Variants in DDX39A observed in about 807,000 individuals in gnomAD.
The protein encoded by DDX39A is ATP-dependent RNA helicase DDX39A.
In DDX39A, 13 loss-of-function variants were observed where a neutral mutation model predicts 46.3. That is an observed-to-expected ratio of 0.28 (90% CI 0.18 to 0.45). The LOEUF (loss-of-function observed/expected upper bound fraction) is 0.45. DDX39A is among the 20% of genes least tolerant of loss of function. The pLI, the probability that DDX39A is intolerant of heterozygous loss-of-function variation, is 1.00. For missense variants in DDX39A, 352 were observed against 581.8 expected (o/e 0.61, Z 4.06); for synonymous variants, 234 against 224.6 (o/e 1.04, Z -0.38).
At position 14,410,966 on chromosome 19, in the gene DDX39A, GGCT is replaced by G. The variant is rs895424251; in HGVS notation, c.613+20_613+22del. 6 of 1,526,392 alleles carry G rather than the reference GGCT, an allele frequency of 3.9e-6. No individual in the cohort carries two copies. In the Admixed American group the frequency reaches 8.1e-5, roughly 21 times the overall value. 94.6% of individuals were successfully genotyped at this position (1,526,392 alleles called of 1,614,324 possible). ...CGCCTAGTCACTGACTCTCAGCTGG[GGCT>G]GCAAGGGCAGAGGACTCACCCAGCT... On this transcript the variant is annotated intron_variant, in intron 5 of 10. Coordinates refer to ENST00000242776, the MANE Select transcript of DDX39A (RefSeq NM_005804.4). The surrounding 1 kb of genome is among the most constrained non-coding windows in gnomAD (Gnocchi z 4.3).
chr19:14,418,077 T>C (rs2146396601), intron 1 of DDX39A, among the ~76,000 whole-genome samples: 1 of 130,670 alleles, frequency 7.7e-6, no homozygotes. Context: ...GCCGAGATAG[T>C]GTCACTGCAC....
chr19:14,412,621 T>G lies in DDX39A; in HGVS notation c.266A>C (p.Lys89Thr). The G allele has an allele frequency of 6.2e-7, 1 of 1,610,880 alleles. No individual in the cohort carries two copies. The highest frequency in any genetic ancestry group is 8.5e-7 in the Non-Finnish European group (1 of 1,180,004). Residue 89 changes from lysine (K) to threonine (T), a missense_variant, in exon 3 of 11, where the codon AAG (lysine) becomes ACG (threonine). Lys to Thr is a moderately conservative substitution (Grantham distance 78). Coordinates refer to ENST00000242776, the MANE Select transcript of DDX39A (RefSeq NM_005804.4). The surrounding 1 kb of genome is among the most constrained non-coding windows in gnomAD (Gnocchi z 4.4). ...GACCGCTGTCTTGCCCATCCCGGAC[T>G]TGGCCTGGCACAGGACGTCCATGCC... ...ILGMDVLCQA[K>T]SGMGKTAVFV... is the part of the protein sequence containing the mutation.
At chr19:14,416,596 G>A (rs1450909457) in intron 1 of DDX39A, among the ~76,000 whole-genome samples, 1 of 152,204 alleles carries the variant, frequency 6.6e-6, no homozygotes, top group Non-Finnish European at 1.5e-5. Context: ...AGAGCCTTTT[G>A]GGGTATGCAG....
intron 1 of DDX39A, among the ~76,000 whole-genome samples, chr19:14,415,455 C>T (rs1007814777): frequency 6.6e-6 from 1 of 152,036 alleles, no homozygotes; most frequent in Non-Finnish European, 1.5e-5. Flanking sequence ...ATGCGCCCGC[C>T]ACCACTAATT....
At chr19:14,416,765 G>A (rs1421640114) in intron 1 of DDX39A, among the ~76,000 whole-genome samples, 3 of 152,108 alleles carry the variant, frequency 2.0e-5, no homozygotes, top group Non-Finnish European at 4.4e-5. Context: ...TAGCTCACTG[G>A]AGCCTCGACC....
At position 14,410,523 on chromosome 19, in the gene DDX39A, G is replaced by A. The variant is rs1599643235; in HGVS notation, c.614-189C>T. 24 of 606,798 alleles carry A rather than the reference G, an allele frequency of 4.0e-5. No homozygotes were observed. In the East Asian group the frequency reaches 6.5e-4, roughly 16 times the overall value. The allele number at this position is 606,798 out of a possible 1,614,324, so 37.6% of individuals were successfully genotyped here. A position where few individuals can be genotyped will look rare whatever the true frequency, so the allele number is the denominator to read the frequency against. ...TGGGGGGTGGCCAGCGAGCGCAGGC[G>A]CGGGAGGAGCTGCAATCCACTTACA... On this transcript the variant is annotated intron_variant, in intron 5 of 10. Coordinates refer to ENST00000242776, the MANE Select transcript of DDX39A (RefSeq NM_005804.4). The surrounding 1 kb of genome is among the most constrained non-coding windows in gnomAD (Gnocchi z 4.3).
In DDX39A at chr19:14,411,689, C is replaced by G; in HGVS notation, c.337-91G>C. ...TCCACCCAACCCAGTCCCCCTGACA[C>G]TGCACCCAACATCACAGGCCATTTG... On this transcript the variant is annotated intron_variant, in intron 3 of 10. Coordinates refer to ENST00000242776, the MANE Select transcript of DDX39A (RefSeq NM_005804.4). The surrounding 1 kb of genome is among the most constrained non-coding windows in gnomAD (Gnocchi z 4.1). 1 of 1,147,012 alleles carries G rather than the reference C, an allele frequency of 8.7e-7. No individual in the cohort carries two copies. Among genetic ancestry groups the G allele is most frequent in the Non-Finnish European group, 1.3e-6 (1 of 777,998 alleles). The allele number at this position is 1,147,012 out of a possible 1,614,324, so 71.1% of individuals were successfully genotyped here. A position where few individuals can be genotyped will look rare whatever the true frequency, so the allele number is the denominator to read the frequency against.
intron 1 of DDX39A, among the ~76,000 whole-genome samples, chr19:14,415,149 G>A (rs557655769): frequency 4.0e-5 from 6 of 151,894 alleles, no homozygotes; most frequent in African/African-American, 9.7e-5. Flanking sequence ...CCCCAGCCCC[G>A]GGCAACCACT....
Position 14,409,149 on chromosome 19 carries a change from T to C in DDX39A, c.1155A>G (p.Leu385=). 1 of 1,614,212 alleles carries C rather than the reference T, an allele frequency of 6.2e-7. No individual in the cohort carries two copies. The highest frequency in any genetic ancestry group is 8.5e-7 in the Non-Finnish European group (1 of 1,180,034). Residue 385 remains leucine (L), a synonymous_variant, in exon 10 of 11, where the codon CTA becomes CTG. Coordinates refer to ENST00000242776, the MANE Select transcript of DDX39A (RefSeq NM_005804.4). The surrounding 1 kb of genome is among the most constrained non-coding windows in gnomAD (Gnocchi z 8.3). ...ARAGRFGTKG[L]AITFVSDEND... is the part of the protein sequence containing the mutation. Reference sequence around the variant, plus strand: ...TCTCGTCAGACACAAAAGTGATGGCTAGGCCTTTGGTGCCAAAGCGACCCG... The same window carrying C: ...TCTCGTCAGACACAAAAGTGATGGCCAGGCCTTTGGTGCCAAAGCGACCCG...
chr19:14,414,168 T>G (rs11882705), intron 1 of DDX39A, among the ~76,000 whole-genome samples: 6,564 of 151,944 alleles, frequency 0.043, 485 homozygotes, highest in African/African-American at 0.15. Context: ...TTGGCCTCGC[T>G]GTCACTCATT....
chr19:14,412,946 T>C lies in DDX39A; in HGVS notation c.208+67A>G. 1 of 1,542,340 alleles carries C rather than the reference T, an allele frequency of 6.5e-7. No individual in the cohort carries two copies. The highest frequency in any genetic ancestry group is 8.8e-7 in the Non-Finnish European group (1 of 1,134,592). On this transcript the variant is annotated intron_variant, in intron 2 of 10. Coordinates refer to ENST00000242776, the MANE Select transcript of DDX39A (RefSeq NM_005804.4). The surrounding 1 kb of genome is among the most constrained non-coding windows in gnomAD (Gnocchi z 4.4). ...CGGCAAACTGGAGGCGGCACCGCTC[T>C]GGGCGGGCAGGGCTGGTCTTGTCTT...
Position 14,409,036 on chromosome 19 carries a change from C to G in DDX39A, c.1267+1G>C, listed in dbSNP as rs112255397. Reference sequence around the variant, plus strand: ...CCCCTGGCCCTGCCCAAGGCACTTACTGTATGTGGAGATGTCGATTTCCTC... The same window carrying G: ...CCCCTGGCCCTGCCCAAGGCACTTAGTGTATGTGGAGATGTCGATTTCCTC... On this transcript the variant is annotated splice_donor_variant, in intron 10 of 10. Transcript: ENST00000242776. LOFTEE classifies it high-confidence loss of function. The surrounding 1 kb of genome is among the most constrained non-coding windows in gnomAD (Gnocchi z 8.3). 1 of 1,614,212 alleles carries G rather than the reference C, an allele frequency of 6.2e-7. No homozygotes were observed.
Position 14,411,721 on chromosome 19 carries a change from C to T in DDX39A, c.337-123G>A, listed in dbSNP as rs981849543. 2.2e-5 allele frequency: 18 copies of T among 804,564 alleles called. No homozygotes were observed. The highest frequency in any genetic ancestry group is 2.2e-4 in the Admixed American group (10 of 46,448). The allele number at this position is 804,564 out of a possible 1,614,324, so 49.8% of individuals were successfully genotyped here. ...CAACATCACAGGCCATTTGAAGGCC[C>T]GGTCCAAATGCCTCCCACTTCTCAC... On this transcript the variant is annotated intron_variant, in intron 3 of 10. Coordinates refer to ENST00000242776, the MANE Select transcript of DDX39A (RefSeq NM_005804.4). This position sits in a 1 kb window ranked among gnomAD's most constrained non-coding sequence, Gnocchi z 4.1.
Position 14,412,532 on chromosome 19 carries a change from A to C in DDX39A, c.336+19T>G. On this transcript the variant is annotated intron_variant, in intron 3 of 10. Coordinates refer to ENST00000242776, the MANE Select transcript of DDX39A (RefSeq NM_005804.4). The surrounding 1 kb of genome is among the most constrained non-coding windows in gnomAD (Gnocchi z 4.4). ...CCGCCACAGGCAGGGTGGGGCCAGG[A>C]AGGGAGGAGCCCACCCACCTGTCCG... The C allele has an allele frequency of 6.2e-7, 1 of 1,601,724 alleles. No homozygotes were observed. The highest frequency in any genetic ancestry group is 1.1e-5 in the South Asian group (1 of 90,844).
chr19:14,415,334 C>G (rs1337224516), intron 1 of DDX39A, among the ~76,000 whole-genome samples: 1 of 151,996 alleles, frequency 6.6e-6, no homozygotes, highest in Non-Finnish European at 1.5e-5. Context: ...AGGTCTTGCT[C>G]TGTTGCCCAG....
chr19:14,414,684 T>C (rs1599648478), intron 1 of DDX39A, among the ~76,000 whole-genome samples: 3 of 142,578 alleles, frequency 2.1e-5, no homozygotes, highest in African/African-American at 7.5e-5. Flanking sequence ...CTTTACAGGC[T>C]GCGCGCGGTG....
rs747100876 is a variant in DDX39A at position 14,412,805 on chromosome 19, AC to A, written c.209-128del. ...GCCGAGTCCGGACAAGGCCACAGAC[AC>A]CTGCAGGGCTGGGGTATCCGCCTGG... On this transcript the variant is annotated intron_variant, in intron 2 of 10. Transcript: ENST00000242776. The surrounding 1 kb of genome is among the most constrained non-coding windows in gnomAD (Gnocchi z 4.4). 1.2e-5 allele frequency: 17 copies of A among 1,373,886 alleles called. No individual in the cohort carries two copies. The highest frequency in any genetic ancestry group is 6.8e-5 in the Admixed American group (3 of 44,260). The allele number at this position is 1,373,886 out of a possible 1,614,324, so 85.1% of individuals were successfully genotyped here.
chr19:14,410,826 C>G lies in DDX39A; in HGVS notation c.613+163G>C. On this transcript the variant is annotated intron_variant, in intron 5 of 10. Transcript: ENST00000242776. This position sits in a 1 kb window ranked among gnomAD's most constrained non-coding sequence, Gnocchi z 4.3. ...CCCGTGGTCCCATTCGGCTCGGGCTCAGAAACAGCACATCCCTCTGCCAGC... is the reference window on the plus strand; with the variant it reads ...CCCGTGGTCCCATTCGGCTCGGGCTGAGAAACAGCACATCCCTCTGCCAGC... The G allele has an allele frequency of 1.5e-6, 1 of 688,676 alleles. No individual in the cohort carries two copies. The highest frequency in any genetic ancestry group is 2.3e-6 in the Non-Finnish European group (1 of 434,930). The allele number at this position is 688,676 out of a possible 1,614,324, so 42.7% of individuals were successfully genotyped here.
rs761902909 is a variant in DDX39A at position 14,409,751 on chromosome 19, C to T, written c.855G>A (p.Glu285=). The T allele has an allele frequency of 6.2e-7, 1 of 1,614,192 alleles. No homozygotes were observed. Among genetic ancestry groups the T allele is most frequent in the South Asian group, 1.1e-5 (1 of 91,092 alleles). ...RKLFDLLDVL[E]FNQVIIFVKS... ...CTGATGGAAGTATCACCTGGTTAAA[C>T]TCCAGCACATCCAAGAGATCAAAGA... Residue 285 remains glutamate, a synonymous_variant, in exon 7 of 11, where the codon GAG becomes GAA. Transcript: ENST00000242776. The surrounding 1 kb of genome is among the most constrained non-coding windows in gnomAD (Gnocchi z 8.3).
Sources: allele counts gnomAD v4.1 joint callset (sites outside exome capture counted in the v4.1 genomes callset), GRCh38; gene constraint gnomAD v4.1.1; non-coding constraint Gnocchi (gnomAD v3.1); transcripts MANE v1.5; gene names NCBI Gene and HGNC (gene_info 2026-07-23, HGNC 2026-07-21).